Variants in LRRC4C observed in about 807,000 individuals in gnomAD.
LRRC4C encodes leucine rich repeat containing 4C.
Under a neutral mutation model 33.6 loss-of-function variants are expected in LRRC4C, and 5 were observed. The observed-to-expected ratio is 0.15, with a 90% confidence interval of 0.08 to 0.31. LRRC4C has a LOEUF of 0.31. Ranked by LOEUF, LRRC4C falls within the 10% of genes least tolerant of loss-of-function variation. The pLI is 1.00. For synonymous variants in LRRC4C, 329 were observed against 302.0 expected (o/e 1.09, Z -0.93); for missense variants, 560 against 796.7 (o/e 0.70, Z 3.58).
At chr11:40,919,057 C>T (rs1194657363) in intron 2 of LRRC4C, among the ~76,000 whole-genome samples, 4 of 152,082 alleles carry the variant, frequency 2.6e-5, no homozygotes, top group Non-Finnish European at 4.4e-5. Flanking sequence ...TTTCTGAATC[C>T]TAGTATTCTA....
At chr11:41,141,997 A>G (rs2135913334) in intron 1 of LRRC4C, among the ~76,000 whole-genome samples, 1 of 152,310 alleles carries the variant, frequency 6.6e-6, no homozygotes, top group African/African-American at 2.4e-5. Context: ...AAGACTCACA[A>G]AAGATAAAAG....
At chr11:40,838,534 A>G (rs1952779281) in intron 2 of LRRC4C, among the ~76,000 whole-genome samples, 1 of 152,092 alleles carries the variant, frequency 6.6e-6, no homozygotes, top group Non-Finnish European at 1.5e-5. Context: ...ATGAACATGA[A>G]TTACTTTCTG....
At chr11:40,193,570 C>T (rs938712542) in intron 5 of LRRC4C, among the ~76,000 whole-genome samples, 2 of 152,144 alleles carry the variant, frequency 1.3e-5, no homozygotes, top group African/African-American at 2.4e-5. Context: ...CACGACTCCT[C>T]GCCAGCAAGG....
At chr11:40,564,502 TGA>T (rs1173160680) in intron 3 of LRRC4C, among the ~76,000 whole-genome samples, 1 of 152,140 alleles carries the variant, frequency 6.6e-6, no homozygotes, top group Non-Finnish European at 1.5e-5. Context: ...AGGTTAACAC[TGA>T]TGGTGGAAGA....
rs532736682 is a variant in LRRC4C, at chr11:41,216,209, T to G, written c.-496+243222A>C. The stretch of plus-strand genomic sequence containing the variant: ...CTCATTTACCCATCACCATTGTAAA[T>G]TTAAACAAAATTGAAGAACAGAGAA... On this transcript the variant is annotated intron_variant, in intron 1 of 6. Coordinates refer to ENST00000528697, the MANE Select transcript of LRRC4C (RefSeq NM_001258419.2). 4.6e-5 allele frequency among the ~76,000 whole-genome samples: 7 copies of G among 152,266 alleles called. No individual in the cohort carries two copies. In the East Asian group the frequency reaches 1.4e-3, roughly 29 times the overall value.
At chr11:41,233,985 G>T (rs12291245) in intron 1 of LRRC4C, among the ~76,000 whole-genome samples, 5,498 of 150,370 alleles carry the variant, frequency 0.037, 136 homozygotes, top group African/African-American at 0.067. Flanking sequence ...TTTTTTTAAG[G>T]AAAACACTGG....
intron 3 of LRRC4C, among the ~76,000 whole-genome samples, chr11:40,430,372 A>G (rs1950873690): frequency 6.6e-6 from 1 of 152,158 alleles, no homozygotes. Flanking sequence ...TTCATGTCCT[A>G]GAAGAAAGTT....
chr11:40,809,250 CTT>C (rs1951381063), intron 2 of LRRC4C, among the ~76,000 whole-genome samples: 1 of 152,132 alleles, frequency 6.6e-6, no homozygotes, highest in South Asian at 2.1e-4. Context: ...CTGAACTGCT[CTT>C]GTCAAAATCA....
intron 2 of LRRC4C, among the ~76,000 whole-genome samples, chr11:40,901,799 A>G (rs1956211976): frequency 6.6e-6 from 1 of 151,968 alleles, no homozygotes; most frequent in Admixed American, 6.6e-5. Flanking sequence ...CAAAGAATTG[A>G]TTTTTCTCTT....
At chr11:40,485,254 C>A (rs1953796001) in intron 3 of LRRC4C, among the ~76,000 whole-genome samples, 1 of 150,430 alleles carries the variant, frequency 6.6e-6, no homozygotes, top group South Asian at 2.1e-4. Context: ...GAGGGACACA[C>A]ACACACACAC....
chr11:40,894,540 G>A (rs2136134647), intron 2 of LRRC4C, among the ~76,000 whole-genome samples: 1 of 152,206 alleles, frequency 6.6e-6, no homozygotes, highest in Admixed American at 6.5e-5. Flanking sequence ...TTGATTATGG[G>A]ATTTTGTTAG....
intron 1 of LRRC4C, among the ~76,000 whole-genome samples, chr11:41,457,845 C>A (rs1169586530): frequency 6.6e-6 from 1 of 152,046 alleles, no homozygotes; most frequent in Non-Finnish European, 1.5e-5. Context: ...CACAGTTGTC[C>A]TCTTTTACCT....
intron 2 of LRRC4C, among the ~76,000 whole-genome samples, chr11:40,851,986 A>G (rs1402756749): frequency 2.0e-5 from 3 of 151,982 alleles, no homozygotes; most frequent in African/African-American, 7.2e-5. Context: ...GTACTTTCGT[A>G]CTTTTTAAAA....
At chr11:40,822,642 G>A (rs558451670) in intron 2 of LRRC4C, among the ~76,000 whole-genome samples, 7 of 151,604 alleles carry the variant, frequency 4.6e-5, no homozygotes, top group Non-Finnish European at 8.9e-5. Context: ...TCACTTTGTT[G>A]GTGGTTTTCT....
intron 1 of LRRC4C, among the ~76,000 whole-genome samples, chr11:41,326,602 CA>C (rs1326812264): frequency 1.3e-5 from 2 of 152,108 alleles, no homozygotes; most frequent in Admixed American, 1.3e-4. Flanking sequence ...TTGTGATTCA[CA>C]AAAGTTAAGA....
At chr11:40,819,228 T>A (rs1346333483) in intron 2 of LRRC4C, among the ~76,000 whole-genome samples, 1 of 151,896 alleles carries the variant, frequency 6.6e-6, no homozygotes, top group African/African-American at 2.4e-5. Flanking sequence ...ATAGGCAAAA[T>A]ACCTTCTGCA....
intron 5 of LRRC4C, among the ~76,000 whole-genome samples, chr11:40,145,617 T>TA (rs1167832774): frequency 6.6e-6 from 1 of 152,172 alleles, no homozygotes; most frequent in African/African-American, 2.4e-5. Flanking sequence ...CCATTTGCCT[T>TA]ACCATAGCTT....
At chr11:41,280,281 G>A (rs1046145440) in intron 1 of LRRC4C, among the ~76,000 whole-genome samples, 1 of 152,176 alleles carries the variant, frequency 6.6e-6, no homozygotes, top group East Asian at 1.9e-4. Flanking sequence ...AGATGCACAG[G>A]ATGGATGAAT....
chr11:40,312,709 C>G (rs1421418498), intron 4 of LRRC4C, among the ~76,000 whole-genome samples: 20 of 152,172 alleles, frequency 1.3e-4, no homozygotes, highest in Non-Finnish European at 1.3e-4. Flanking sequence ...TTTCCTTTAC[C>G]TCTCAGATAC....
Sources: gnomAD v4.1 joint callset for allele counts (sites outside exome capture counted in the v4.1 genomes callset) on GRCh38, gnomAD v4.1.1 for gene constraint, MANE v1.5 for transcripts, NCBI Gene and HGNC (gene_info 2026-07-23, HGNC 2026-07-21) for gene names.